Variants in DLGAP2 observed in about 807,000 individuals in gnomAD.
The protein encoded by DLGAP2 is disks large-associated protein 2.
DLGAP2 carries 26 observed loss-of-function variants against 100.3 expected under a neutral mutation model. The observed-to-expected ratio is 0.26, with a 90% CI of 0.19 to 0.36. The LOEUF is 0.36. DLGAP2 is among the 10% of genes least tolerant of loss of function. The pLI is 1.00. For synonymous variants in DLGAP2, 886 were observed against 630.1 expected (o/e 1.41, Z -6.08); for missense variants, 1,858 against 1,453.2 (o/e 1.28, Z -4.53).
At chr8:1,423,227 C>G (rs1341455015) in intron 3 of DLGAP2, among the ~76,000 whole-genome samples, 1 of 152,086 alleles carries the variant, frequency 6.6e-6, no homozygotes, top group Admixed American at 6.5e-5. Flanking sequence ...AATGTAAACA[C>G]AGGTGTGTAG....
At chr8:907,720 T>C (rs940718570) in intron 1 of DLGAP2, among the ~76,000 whole-genome samples, 192 bp from the exon 2 acceptor site, 2 of 152,358 alleles carry the variant, frequency 1.3e-5, no homozygotes, top group East Asian at 3.9e-4. Flanking sequence ...ACTCACCTGA[T>C]TAACCTTTTC....
chr8:1,586,639 C>T (rs1472326518), intron 6 of DLGAP2, among the ~76,000 whole-genome samples: 2 of 152,178 alleles, frequency 1.3e-5, no homozygotes, highest in Admixed American at 6.5e-5. Context: ...GTGGAAGGCC[C>T]TAGGGGTCAG....
intron 3 of DLGAP2, among the ~76,000 whole-genome samples, chr8:1,445,437 G>T (rs563885019): frequency 1.3e-5 from 2 of 151,738 alleles, no homozygotes; most frequent in Non-Finnish European, 2.9e-5. Flanking sequence ...TTTTATGGCT[G>T]CATAGTATTC....
At chr8:1,669,943 G>T (rs1365825066) in intron 10 of DLGAP2, among the ~76,000 whole-genome samples, 159 bp downstream of exon 10, 1 of 152,176 alleles carries the variant, frequency 6.6e-6, no homozygotes, top group Non-Finnish European at 1.5e-5. Flanking sequence ...ATGAGGACAA[G>T]GGGCTCACCA....
At chr8:1,292,626 A>G (rs1276092705) in intron 3 of DLGAP2, among the ~76,000 whole-genome samples, 1 of 152,208 alleles carries the variant, frequency 6.6e-6, no homozygotes, top group South Asian at 2.1e-4. Context: ...CAAAAAGACA[A>G]CACATATTCT....
chr8:1,292,713 T>A (rs1800086434), intron 3 of DLGAP2, among the ~76,000 whole-genome samples: 1 of 152,192 alleles, frequency 6.6e-6, no homozygotes, highest in South Asian at 2.1e-4. Flanking sequence ...GCTTTACTTT[T>A]CTTCTGACCC....
chr8:1,522,305 G>T (rs1248687920), intron 4 of DLGAP2, among the ~76,000 whole-genome samples: 1 of 152,224 alleles, frequency 6.6e-6, no homozygotes, highest in Non-Finnish European at 1.5e-5. Flanking sequence ...TGTGTCTTCT[G>T]TGTTGAAATA....
intron 1 of DLGAP2, among the ~76,000 whole-genome samples, chr8:792,059 A>T (rs747411688): frequency 1.3e-5 from 2 of 152,220 alleles, no homozygotes; most frequent in African/African-American, 4.8e-5. Context: ...GCATTTACCA[A>T]TGTGAATTTT....
chr8:1,491,397 T>TCGGAGGCTACAGGCTGCTCCCCCGATCC (rs1799383682), intron 3 of DLGAP2, among the ~76,000 whole-genome samples: 1 of 149,474 alleles, frequency 6.7e-6, no homozygotes, highest in Non-Finnish European at 1.5e-5. Context: ...CCCCCTGACC[T>TCGGAGGCTACAGGCTGCTCCCCCGATCC]CGGAGGCTTC....
chr8:1,319,210 T>C (rs768421208), intron 3 of DLGAP2, among the ~76,000 whole-genome samples: 2 of 152,188 alleles, frequency 1.3e-5, no homozygotes, highest in Non-Finnish European at 2.9e-5. Context: ...TCAGGGCGTC[T>C]GCTGCCACCC....
chr8:1,186,245 TG>T (rs1797501300), intron 2 of DLGAP2, among the ~76,000 whole-genome samples: 1 of 152,246 alleles, frequency 6.6e-6, no homozygotes, highest in Non-Finnish European at 1.5e-5. Context: ...GCAGCAGCTA[TG>T]CTGGAGTTAC....
At chr8:744,142 C>T (rs1585814651) in intron 1 of DLGAP2, among the ~76,000 whole-genome samples, 1 of 152,178 alleles carries the variant, frequency 6.6e-6, no homozygotes, top group African/African-American at 2.4e-5. Flanking sequence ...GCGCCGCTTC[C>T]CTCTTCTGTC....
chr8:1,482,983 C>T (rs1299046407), intron 3 of DLGAP2, among the ~76,000 whole-genome samples: 2 of 152,250 alleles, frequency 1.3e-5, no homozygotes, highest in Non-Finnish European at 2.9e-5. Context: ...GTCCCGTGCT[C>T]GGGCCCTGGC....
At chr8:1,167,856 C>G (rs189347538) in intron 2 of DLGAP2, among the ~76,000 whole-genome samples, 1 of 152,126 alleles carries the variant, frequency 6.6e-6, no homozygotes, top group Non-Finnish European at 1.5e-5. Flanking sequence ...TGTAGACAGA[C>G]ACGTTAGCAA....
chr8:1,337,160 ATGG>A (rs1234628003), intron 3 of DLGAP2, among the ~76,000 whole-genome samples: 1 of 150,566 alleles, frequency 6.6e-6, no homozygotes, highest in Admixed American at 6.6e-5. Flanking sequence ...GATGGTGATG[ATGG>A]TGGTGATGAT....
intron 3 of DLGAP2, among the ~76,000 whole-genome samples, chr8:1,343,053 A>G (rs767629413): frequency 9.9e-5 from 15 of 152,198 alleles, no homozygotes; most frequent in Non-Finnish European, 1.8e-4. Context: ...CTTTTTGTTC[A>G]TATTTTCACA....
chr8:1,427,262 C>T (rs993270267), intron 3 of DLGAP2, among the ~76,000 whole-genome samples: 6 of 152,054 alleles, frequency 3.9e-5, no homozygotes, highest in African/African-American at 1.2e-4. Context: ...ATTGCTCAAG[C>T]AGACAAATTA....
rs899933835 is a variant in DLGAP2, at chr8:737,646, G to A, written c.-162G>A. 56 of 351,410 alleles carry A rather than the reference G, an allele frequency of 1.6e-4. No individual in the cohort carries two copies. The highest frequency in any genetic ancestry group is 2.6e-4 in the Non-Finnish European group (51 of 195,900). 21.8% of individuals were successfully genotyped at this position (351,410 alleles called of 1,614,324 possible). A position where few individuals can be genotyped will look rare whatever the true frequency, so the allele number is the denominator to read the frequency against. ...GCCGTGAAGACCGACCGTGCGCCGG[G>A]CTCGAGCGCGGTCTGAGCGCGCGGC... is the stretch of plus-strand genomic sequence containing the variant. On this transcript the variant is annotated 5_prime_UTR_variant, in exon 1 of 15. Transcript: ENST00000637795.
intron 2 of DLGAP2, among the ~76,000 whole-genome samples, chr8:1,195,446 C>T (rs1004785892): frequency 1.5e-4 from 23 of 152,192 alleles, no homozygotes; most frequent in Non-Finnish European, 5.9e-5. Flanking sequence ...AAACAGGCTG[C>T]ACAGTGAACC....
Sources: gnomAD v4.1 joint callset for allele counts (sites outside exome capture counted in the v4.1 genomes callset) on GRCh38, gnomAD v4.1.1 for gene constraint, MANE v1.5 for transcripts, NCBI Gene and HGNC (gene_info 2026-07-23, HGNC 2026-07-21) for gene names.